Variants in MMP27 observed in about 807,000 individuals in gnomAD.
The protein encoded by MMP27 is matrix metalloproteinase-27.
In MMP27, 51 loss-of-function variants were observed where a neutral mutation model predicts 48.1. The observed-to-expected ratio is 1.06, with a 90% CI of 0.85 to 1.34. MMP27 has a LOEUF of 1.34. Ranked by LOEUF, MMP27 falls within the 40% of genes most tolerant of loss-of-function variation. The probability of loss-of-function intolerance (pLI) is 0.00; values close to 1 mark genes in which losing one functional copy is unlikely to be tolerated. For missense variants in MMP27, 698 were observed against 619.3 expected, an observed-to-expected ratio of 1.13 and a Z score of -1.35; for synonymous variants, 229 against 208.9, an observed-to-expected ratio of 1.10 and a Z score of -0.83.
chr11:102,696,020 T>C (rs560008652), intron 6 of MMP27, among the ~76,000 whole-genome samples: 1 of 152,262 alleles, frequency 6.6e-6, no homozygotes, highest in East Asian at 1.9e-4. Flanking sequence ...TGTGAACTGG[T>C]TTGCAAAATT....
Position 102,696,501 on chromosome 11 carries a change from GA to G in MMP27, c.782-11del, listed in dbSNP as rs575990572. The G allele has an allele frequency of 1.0e-5, 16 of 1,604,686 alleles. No homozygotes were observed. The highest frequency in any genetic ancestry group is 1.7e-4 in the Middle Eastern group (1 of 6,024). ...TCCTTAGGCAGACCTCCTTTGATGA[GA>G]AAAAAAATACCACAATGAATTAAGA... On this transcript the variant is annotated splice_polypyrimidine_tract_variant and intron_variant, in intron 5 of 9. Transcript: ENST00000260229.
chr11:102,693,535 C>A (rs1276288), intron 8 of MMP27, among the ~76,000 whole-genome samples: 1 of 151,936 alleles, frequency 6.6e-6, no homozygotes. Flanking sequence ...GTAATCCCAG[C>A]ACTTTGAGAG....
Position 102,704,650 on chromosome 11 carries a change from T to C in MMP27, c.228A>G (p.Gly76=). The change falls in exon 2 of 10, where the codon GGA becomes GGG. Residue 76 remains glycine (G), a synonymous_variant. Coordinates refer to ENST00000260229, the MANE Select transcript of MMP27 (RefSeq NM_022122.3). ...TCTCAAGGGTGTTTGAGTCCAGTTT[T>C]CCAGTCACTGTCAATCCAAAAAATG... ...MQAFFGLTVT[G]KLDSNTLEIM... The C allele has an allele frequency of 6.2e-7, 1 of 1,614,154 alleles. No homozygotes were observed. The highest frequency in any genetic ancestry group is 8.5e-7 in the Non-Finnish European group (1 of 1,180,008).
intron 4 of MMP27, 21 bp downstream of exon 4, chr11:102,702,732 C>T (rs773986925): frequency 4.4e-6 from 7 of 1,578,070 alleles, no homozygotes; most frequent in Non-Finnish European, 6.0e-6. Flanking sequence ...AGATTTTGTT[C>T]ATAAAGAAAA....
chr11:102,699,215 T>G (rs908135196), intron 4 of MMP27, among the ~76,000 whole-genome samples: 1 of 151,936 alleles, frequency 6.6e-6, no homozygotes, highest in Non-Finnish European at 1.5e-5. Flanking sequence ...TCTTGTAATC[T>G]CAGCACTTTG....
rs557096626 is a variant in MMP27, at chr11:102,693,999, A to G, written c.1100T>C (p.Leu367Ser). ...LPDYPKSIHT[L>S]GFPGRVKKID... ...TTTCTTCACACGTCCTGGAAAACCT[A>G]ATGTATGGATGGATTTGGGATAATC... Residue 367 changes from leucine to serine, a missense_variant, in exon 8 of 10, where the codon TTA becomes TCA. Leu to Ser is a moderately radical substitution (Grantham distance 145). Transcript: ENST00000260229. 483 of 1,610,714 alleles carry G rather than the reference A, an allele frequency of 3.0e-4. 2 individuals are homozygous for G. The South Asian group carries it at 5.2e-3, about 17-fold the overall frequency.
intron 8 of MMP27, 59 bp from the exon 9 acceptor site, chr11:102,693,100 T>C: frequency 1.5e-6 from 2 of 1,340,700 alleles, no homozygotes; most frequent in Non-Finnish European, 2.1e-6. Flanking sequence ...GCTTAATTTG[T>C]CTACCGCACA....
intron 9 of MMP27, 41 bp from the exon 10 acceptor site, chr11:102,692,051 T>C (rs895829094): frequency 1.3e-6 from 2 of 1,485,712 alleles, no homozygotes; most frequent in Admixed American, 2.3e-5. Flanking sequence ...TTCATAACTA[T>C]ATAATACTTC....
At chr11:102,693,775 A>AGTGTAGTGT (rs1358266919) in intron 8 of MMP27, 131 bp downstream of exon 8, 2 of 707,590 alleles carry the variant, frequency 2.8e-6, no homozygotes, top group African/African-American at 1.9e-5. Context: ...ACAGAGCAAG[A>AGTGTAGTGT]CTCCATCTCA....
Position 102,696,353 on chromosome 11 carries a change from T to G in MMP27, c.902+18A>C. On this transcript the variant is annotated intron_variant, in intron 6 of 9. Coordinates refer to ENST00000260229, the MANE Select transcript of MMP27 (RefSeq NM_022122.3). ...AAATCTTCATAGGAAGTTGAGGTGT[T>G]TAGAGAAATGAGTTTACCTGCCTTT... The G allele has an allele frequency of 1.2e-6, 2 of 1,612,904 alleles. No individual in the cohort carries two copies. The highest frequency in any genetic ancestry group is 1.7e-6 in the Non-Finnish European group (2 of 1,179,284).
intron 4 of MMP27, 56 bp from the exon 5 acceptor site, chr11:102,696,891 G>A: frequency 6.4e-7 from 1 of 1,550,702 alleles, no homozygotes; most frequent in Admixed American, 2.0e-5. Context: ...GAGAATGGCT[G>A]CATCTGAGAT....
intron 7 of MMP27, among the ~76,000 whole-genome samples, chr11:102,694,391 T>C (rs1160340683): frequency 6.6e-6 from 1 of 152,198 alleles, no homozygotes; most frequent in Non-Finnish European, 1.5e-5. Flanking sequence ...CCCATAAATA[T>C]GTACAATTAT....
rs760102124 is a variant in MMP27 at position 102,696,758 on chromosome 11, A to G, written c.697T>C (p.Leu233=). ...AGGGAGACATAATTTGGGAACATCA[A>G]GGCTGTTTGATCATTGGAGTGAGAG... is the stretch of plus-strand genomic sequence containing the variant. ...GLSHSNDQTA[L]MFPNYVSLDP... Residue 233 remains leucine (L), a synonymous_variant, in exon 5 of 10, where the codon TTG becomes CTG. Transcript: ENST00000260229. The G allele has an allele frequency of 6.2e-7, 1 of 1,613,740 alleles. No homozygotes were observed. The highest frequency in any genetic ancestry group is 8.5e-7 in the Non-Finnish European group (1 of 1,179,922).
chr11:102,696,305 A>G, intron 6 of MMP27, 66 bp downstream of exon 6: 1 of 1,565,878 alleles, frequency 6.4e-7, no homozygotes, highest in Non-Finnish European at 8.8e-7. Context: ...CTACCTCTTT[A>G]TCCTCAAATC....
Position 102,703,090 on chromosome 11 carries a change from G to T in MMP27, c.370C>A (p.Arg124=), listed in dbSNP as rs117962999. Residue 124 remains arginine, a synonymous_variant, in exon 3 of 10, where the codon CGA becomes AGA. Transcript: ENST00000260229. ...RIINYTPDMA[R]AAVDEAIQEG... ...TGGATAGCCTCATCCACAGCAGCTC[G>T]TGCCATATCCGGAGTATAGTTTATT... 2.5e-6 allele frequency: 4 copies of T among 1,613,672 alleles called. No homozygotes were observed. The African/African-American group carries it at 5.3e-5, about 22-fold the overall frequency.
At chr11:102,693,099 G>A (rs1274398749) in intron 8 of MMP27, 58 bp from the exon 9 acceptor site, 2 of 1,347,794 alleles carry the variant, frequency 1.5e-6, no homozygotes, top group African/African-American at 1.4e-5. Flanking sequence ...AGCTTAATTT[G>A]TCTACCGCAC....
At chr11:102,703,164 T>C in intron 2 of MMP27, 46 bp from the exon 3 acceptor site, 3 of 1,567,006 alleles carry the variant, frequency 1.9e-6, no homozygotes, top group South Asian at 2.3e-5. Context: ...TATTCATGCA[T>C]GAATATACAC....
At position 102,696,442 on chromosome 11, in the gene MMP27, A is replaced by T; in HGVS notation, c.831T>A (p.His277Gln). 6.2e-7 allele frequency: 1 copy of T among 1,613,864 alleles called. No individual in the cohort carries two copies. Among genetic ancestry groups the T allele is most frequent in the South Asian group, 1.1e-5 (1 of 91,080 alleles). The change falls in exon 6 of 10, where the codon CAT becomes CAA. Residue 277 changes from histidine (H) to glutamine (Q), a missense_variant. His to Gln is a conservative substitution (Grantham distance 24). Transcript: ENST00000260229. ...PAKPKEPTIP[H>Q]ACDPDLTFDA... ...CAAAAGTCAAGTCAGGGTCACAGGC[A>T]TGGGGTATAGTGGGTTCCTTTGGCT...
At chr11:102,698,703 G>A (rs1404081874) in intron 4 of MMP27, among the ~76,000 whole-genome samples, 2 of 152,088 alleles carry the variant, frequency 1.3e-5, no homozygotes, top group Non-Finnish European at 2.9e-5. Flanking sequence ...ATCTGTGTCA[G>A]GTTCTTTCTA....
Sources: gnomAD v4.1 joint callset for allele counts (sites outside exome capture counted in the v4.1 genomes callset) on GRCh38, gnomAD v4.1.1 for gene constraint, MANE v1.5 for transcripts, NCBI Gene and HGNC (gene_info 2026-07-23, HGNC 2026-07-21) for gene names.